The following ASB18 variants were observed in gnomAD, a reference collection of about 807,000 sequenced individuals.
ASB18 encodes ankyrin repeat and SOCS box containing 18.
Under a neutral mutation model 33.4 loss-of-function variants are expected in ASB18, and 33 were observed. That is an observed-to-expected ratio of 0.99 (90% CI 0.75 to 1.32). The LOEUF is 1.32. ASB18 is among the 40% of genes most tolerant of loss of function. The pLI is 0.00. For missense variants in ASB18, 694 were observed against 655.5 expected (o/e 1.06, Z -0.64); for synonymous variants, 295 against 307.6 (o/e 0.96, Z 0.43).
rs915572376 is a variant in ASB18, at chr2:236,194,753, G to A, written c.*119C>T. The A allele has an allele frequency of 1.9e-5, 16 of 863,014 alleles. No homozygotes were observed. The highest frequency in any genetic ancestry group is 2.5e-5 in the Non-Finnish European group (14 of 569,558). The allele number at this position is 863,014 out of a possible 1,614,324, so 53.5% of individuals were successfully genotyped here. A position where few individuals can be genotyped will look rare whatever the true frequency, so the allele number is the denominator to read the frequency against. On this transcript the variant is annotated 3_prime_UTR_variant, in exon 6 of 6. Transcript: ENST00000409749. This position sits in a 1 kb window ranked among gnomAD's most constrained non-coding sequence, Gnocchi z 4.5. ...GGTCTGTGCTTCACCCGGTCCCACG[G>A]AGAGCAAGTGGGAAGGGAACTCCCA... is the stretch of plus-strand genomic sequence containing the variant.
chr2:236,220,375 C>T lies in ASB18; in HGVS notation c.597-5509G>A, dbSNP rs1377700523. On this transcript the variant is annotated intron_variant, in intron 3 of 5. Coordinates refer to ENST00000409749, the MANE Select transcript of ASB18 (RefSeq NM_212556.4). This position sits in a 1 kb window ranked among gnomAD's most constrained non-coding sequence, Gnocchi z 5.1. ...CCTGTCTCAGCTGCCTGCCAAGCCT[C>T]CATGCTCCCTGCATGCTCTGCCCAG... 6.6e-6 allele frequency among the ~76,000 whole-genome samples: 1 copy of T among 152,200 alleles called. No individual in the cohort carries two copies. The highest frequency in any genetic ancestry group is 1.5e-5 in the Non-Finnish European group (1 of 68,032).
At position 236,214,000 on chromosome 2, in the gene ASB18, T is replaced by G; in HGVS notation, c.1101+362A>C. 1 of 222,946 alleles carries G rather than the reference T, an allele frequency of 4.5e-6. No homozygotes were observed. Among genetic ancestry groups the G allele is most frequent in the South Asian group, 1.3e-4 (1 of 7,542 alleles). The allele number at this position is 222,946 out of a possible 1,614,324, so 13.8% of individuals were successfully genotyped here. On this transcript the variant is annotated intron_variant, in intron 4 of 5. Coordinates refer to ENST00000409749, the MANE Select transcript of ASB18 (RefSeq NM_212556.4). The surrounding 1 kb of genome is among the most constrained non-coding windows in gnomAD (Gnocchi z 4.8). ...ACTGATGATGAGCTGCCAAAATATT[T>G]TGAGCTCTGACTGCATCATCGAAAT...
chr2:236,232,287 G>GAAAAGA (rs1252424893), intron 3 of ASB18, among the ~76,000 whole-genome samples: 1 of 149,086 alleles, frequency 6.7e-6, no homozygotes, highest in Admixed American at 6.7e-5. Flanking sequence ...AAATTAGAAA[G>GAAAAGA]TATTTAAAAC....
chr2:236,239,687 G>A lies in ASB18; in HGVS notation c.328+1593C>T, dbSNP rs1343748909. 1.3e-5 allele frequency among the ~76,000 whole-genome samples: 2 copies of A among 152,256 alleles called. No homozygotes were observed. The highest frequency in any genetic ancestry group is 2.4e-5 in the African/African-American group (1 of 41,472). On this transcript the variant is annotated intron_variant, in intron 2 of 5. Coordinates refer to ENST00000409749, the MANE Select transcript of ASB18 (RefSeq NM_212556.4). The surrounding 1 kb of genome is among the most constrained non-coding windows in gnomAD (Gnocchi z 5.6). The stretch of plus-strand genomic sequence containing the variant: ...GCATTCTATCACGGAGGGGCACCGA[G>A]GTGGTGGCCACTGGGGACCTGCTCC...
rs7588748 is a variant in ASB18 at position 236,214,461 on chromosome 2, G to C, written c.1002C>G (p.Leu334=). The C allele has an allele frequency of 0.17, 255,198 of 1,526,706 alleles. 31,409 individuals are homozygous for C. The highest frequency in any genetic ancestry group is 0.65 in the African/African-American group (46,122 of 70,586). 94.6% of individuals were successfully genotyped at this position (1,526,706 alleles called of 1,614,324 possible). ...YGGASPLGRV[L]QTASCALQAS... Reference sequence around the variant, plus strand: ...CCTGGAGAGCGCAGGATGCGGTCTGGAGCACGCGGCCCAGCGGCGAGGCCC... The same window carrying C: ...CCTGGAGAGCGCAGGATGCGGTCTGCAGCACGCGGCCCAGCGGCGAGGCCC... The change falls in exon 4 of 6, where the codon CTC becomes CTG. Residue 334 remains leucine, a synonymous_variant. Transcript: ENST00000409749. The surrounding 1 kb of genome is among the most constrained non-coding windows in gnomAD (Gnocchi z 6.5).
chr2:236,202,632 A>G (rs1258126076), intron 4 of ASB18, among the ~76,000 whole-genome samples: 2 of 151,792 alleles, frequency 1.3e-5, no homozygotes, highest in Admixed American at 6.6e-5. Context: ...CATCCTGGCC[A>G]ACATAGTGTG....
At position 236,215,020 on chromosome 2, in the gene ASB18, GAAAAA is replaced by G. The variant is rs574936196; in HGVS notation, c.597-159_597-155del. 1.1e-3 allele frequency among the ~76,000 whole-genome samples: 138 copies of G among 120,058 alleles called. No individual in the cohort carries two copies. Among genetic ancestry groups the G allele is most frequent in the African/African-American group, 4.0e-3 (134 of 33,810 alleles). The allele number at this position is 120,058 out of a possible 152,430, so 78.8% of individuals were successfully genotyped here. On this transcript the variant is annotated intron_variant, in intron 3 of 5. Transcript: ENST00000409749. This position sits in a 1 kb window ranked among gnomAD's most constrained non-coding sequence, Gnocchi z 7.2. ...GGCGTCAGGAGTTCAAACTAAACTG[GAAAAA>G]AAAAAAAAAAAAAAGAGATTATGGC...
At chr2:236,227,072 C>T (rs1022151769) in intron 3 of ASB18, among the ~76,000 whole-genome samples, 1 of 152,104 alleles carries the variant, frequency 6.6e-6, no homozygotes, top group Non-Finnish European at 1.5e-5. Context: ...ATACAGGATA[C>T]CATGTTGCAT....
In ASB18 at chr2:236,217,501, A is replaced by G. The variant is rs545320574; in HGVS notation, c.597-2635T>C. Among the ~76,000 whole-genome samples, 1 of 152,304 alleles carries G rather than the reference A, an allele frequency of 6.6e-6. No homozygotes were observed. Among genetic ancestry groups the G allele is most frequent in the East Asian group, 1.9e-4 (1 of 5,178 alleles). On this transcript the variant is annotated intron_variant, in intron 3 of 5. Coordinates refer to ENST00000409749, the MANE Select transcript of ASB18 (RefSeq NM_212556.4). The surrounding 1 kb of genome is among the most constrained non-coding windows in gnomAD (Gnocchi z 5.2). ...TTATCTCTGATTCCCAGTGCCTATC[A>G]TAGTGCCTATCACACTATTGGTATT...
Position 236,200,411 on chromosome 2 carries a change from C to A in ASB18, c.1102-4026G>T, listed in dbSNP as rs916140499. On this transcript the variant is annotated intron_variant, in intron 4 of 5. Transcript: ENST00000409749. The surrounding 1 kb of genome is among the most constrained non-coding windows in gnomAD (Gnocchi z 4.2). ...CCAGAAGTGTTTATTGATACAGGAA[C>A]TATTTAACCAGATGTGGGTACAAGG... Among the ~76,000 whole-genome samples the A allele has an allele frequency of 1.4e-4, 22 of 152,140 alleles. No homozygotes were observed. The highest frequency in any genetic ancestry group is 5.3e-4 in the African/African-American group (22 of 41,436).
At position 236,222,942 on chromosome 2, in the gene ASB18, C is replaced by G. The variant is rs2060519244; in HGVS notation, c.597-8076G>C. 6.6e-6 allele frequency among the ~76,000 whole-genome samples: 1 copy of G among 152,150 alleles called. No individual in the cohort carries two copies. Among genetic ancestry groups the G allele is most frequent in the East Asian group, 1.9e-4 (1 of 5,192 alleles). On this transcript the variant is annotated intron_variant, in intron 3 of 5. Coordinates refer to ENST00000409749, the MANE Select transcript of ASB18 (RefSeq NM_212556.4). The surrounding 1 kb of genome is among the most constrained non-coding windows in gnomAD (Gnocchi z 5.5). ...AGCTGAAGCAGGAGACTCACTTGAGCCCTGGAGGTGGAGGTTGCAGTGAGC... is the reference window on the plus strand; with the variant it reads ...AGCTGAAGCAGGAGACTCACTTGAGGCCTGGAGGTGGAGGTTGCAGTGAGC...
chr2:236,197,072 G>A (rs62824561), intron 4 of ASB18, among the ~76,000 whole-genome samples: 612 of 55,520 alleles, frequency 0.011, 1 homozygote, highest in Middle Eastern at 0.022. Context: ...ATGTATCCCC[G>A]CCCCCCCCAT....
At chr2:236,247,268 G>T (rs2106282926) in intron 1 of ASB18, 1 of 144,660 alleles carries the variant, frequency 6.9e-6, no homozygotes, top group Non-Finnish European at 1.5e-5. Context: ...GCCACATGTT[G>T]ATGATTACAT....
In ASB18 at chr2:236,259,968, C is replaced by T. The variant is rs935315092; in HGVS notation, c.205+4173G>A. ...TCCACCATTGGATGCCACTTTTTCT[C>T]TATGCTTTTTTTTGGTGATGTTGAC... On this transcript the variant is annotated intron_variant, in intron 1 of 5. Coordinates refer to ENST00000409749, the MANE Select transcript of ASB18 (RefSeq NM_212556.4). The surrounding 1 kb of genome is among the most constrained non-coding windows in gnomAD (Gnocchi z 4.4). 6.6e-6 allele frequency among the ~76,000 whole-genome samples: 1 copy of T among 152,134 alleles called. No individual in the cohort carries two copies. Among genetic ancestry groups the T allele is most frequent in the Non-Finnish European group, 1.5e-5 (1 of 68,018 alleles).
At chr2:236,197,714 C>T (rs550459447) in intron 4 of ASB18, among the ~76,000 whole-genome samples, 12 of 152,116 alleles carry the variant, frequency 7.9e-5, no homozygotes, top group East Asian at 5.8e-4. Flanking sequence ...CCCAGCTACA[C>T]GGGAGGCTGA....
Position 236,263,874 on chromosome 2 carries a change from G to C in ASB18, c.205+267C>G, listed in dbSNP as rs147239094. On this transcript the variant is annotated intron_variant, in intron 1 of 5. Coordinates refer to ENST00000409749, the MANE Select transcript of ASB18 (RefSeq NM_212556.4). This position sits in a 1 kb window ranked among gnomAD's most constrained non-coding sequence, Gnocchi z 4.0. The stretch of plus-strand genomic sequence containing the variant: ...TGGGTGAAATTTACACACGCAAATG[G>C]ACAGGCTTGGAAAACAATGGAGCCA... Among the ~76,000 whole-genome samples, 4 of 152,150 alleles carry C rather than the reference G, an allele frequency of 2.6e-5. No individual in the cohort carries two copies. The highest frequency in any genetic ancestry group is 6.5e-5 in the Admixed American group (1 of 15,278).
At position 236,230,718 on chromosome 2, in the gene ASB18, C is replaced by CA; in HGVS notation, c.596+6970dup. On this transcript the variant is annotated intron_variant, in intron 3 of 5. Coordinates refer to ENST00000409749, the MANE Select transcript of ASB18 (RefSeq NM_212556.4). ...ACCAGAAAGAAATCACTTAACACAA[C>CA]AAAAAGTTATATCTAGTAAGCCAAA... 3.4e-5 allele frequency among the ~76,000 whole-genome samples: 5 copies of CA among 145,878 alleles called. No individual in the cohort carries two copies. The Middle Eastern group carries it at 0.017, about 500-fold the overall frequency.
rs1337639632 is a variant in ASB18, at chr2:236,241,760, G to T, written c.206-358C>A. ...TGTGATGATACAGATGCTAACTCTG[G>T]AGACAGACACATCTGGATAGCTCCA... On this transcript the variant is annotated intron_variant, in intron 1 of 5. Transcript: ENST00000409749. The surrounding 1 kb of genome is among the most constrained non-coding windows in gnomAD (Gnocchi z 4.2). 2.0e-5 allele frequency among the ~76,000 whole-genome samples: 3 copies of T among 152,130 alleles called. No homozygotes were observed. Among genetic ancestry groups the T allele is most frequent in the African/African-American group, 7.2e-5 (3 of 41,422 alleles).
In ASB18 at chr2:236,251,621, C is replaced by T. The variant is rs948800900; in HGVS notation, c.206-10219G>A. On this transcript the variant is annotated intron_variant, in intron 1 of 5. Transcript: ENST00000409749. This position sits in a 1 kb window ranked among gnomAD's most constrained non-coding sequence, Gnocchi z 5.3. ...CTAGGAGACAATTTGGTCAACACTG[C>T]ATCCAGCAAAGTGAGGCCAGTTTTG... is the stretch of plus-strand genomic sequence containing the variant. Among the ~76,000 whole-genome samples, 7 of 152,280 alleles carry T rather than the reference C, an allele frequency of 4.6e-5. No individual in the cohort carries two copies. The highest frequency in any genetic ancestry group is 1.9e-4 in the East Asian group (1 of 5,180).
Sources: allele counts gnomAD v4.1 joint callset (sites outside exome capture counted in the v4.1 genomes callset), GRCh38; gene constraint gnomAD v4.1.1; non-coding constraint Gnocchi (gnomAD v3.1); transcripts MANE v1.5; gene names NCBI Gene and HGNC (gene_info 2026-07-23, HGNC 2026-07-21).